The following RSPO3 variants were observed in gnomAD, a reference collection of about 807,000 sequenced individuals.
RSPO3 encodes the protein R-spondin-3.
RSPO3 carries 17 observed loss-of-function variants against 36.5 expected under a neutral mutation model. The ratio of observed to expected loss-of-function variants is 0.47; its 90% CI spans 0.32 to 0.70. The LOEUF (loss-of-function observed/expected upper bound fraction) is 0.70. Ranked by LOEUF, RSPO3 falls within the 30% of genes least tolerant of loss-of-function variation. The pLI is 0.04. For missense variants in RSPO3, 294 were observed against 322.5 expected (o/e 0.91, Z 0.68); for synonymous variants, 108 against 107.0 (o/e 1.01, Z -0.06).
At chr6:127,127,135 A>C (rs1049223734) in intron 1 of RSPO3, among the ~76,000 whole-genome samples, 10 of 152,194 alleles carry the variant, frequency 6.6e-5, no homozygotes, top group Admixed American at 5.9e-4. Flanking sequence ...CCATTTTATA[A>C]CCACATAATA....
rs909266523 is a variant in RSPO3, at chr6:127,198,229, T to C, written c.*2222T>C. On this transcript the variant is annotated 3_prime_UTR_variant, in exon 5 of 5. Transcript: ENST00000356698. ...TGACAATGGCAGAAGGTCTGAATCC[T>C]TGATGCTAAACTTATATAAAAGTAG... Among the ~76,000 whole-genome samples the C allele has an allele frequency of 1.3e-4, 20 of 152,204 alleles. No individual in the cohort carries two copies. Among genetic ancestry groups the C allele is most frequent in the African/African-American group, 4.8e-4 (20 of 41,468 alleles).
intron 1 of RSPO3, among the ~76,000 whole-genome samples, chr6:127,134,115 T>C (rs541503133): frequency 6.6e-6 from 1 of 152,176 alleles, no homozygotes; most frequent in Non-Finnish European, 1.5e-5. Flanking sequence ...AGACCACATA[T>C]GGGGATGAAG....
intron 1 of RSPO3, among the ~76,000 whole-genome samples, chr6:127,147,103 G>C (rs1292910402): frequency 6.6e-6 from 1 of 152,052 alleles, no homozygotes; most frequent in Admixed American, 6.6e-5. Flanking sequence ...CATTTCCTTA[G>C]TTTATTTACA....
At chr6:127,137,685 T>A (rs1408801601) in intron 1 of RSPO3, among the ~76,000 whole-genome samples, 1 of 152,206 alleles carries the variant, frequency 6.6e-6, no homozygotes, top group Admixed American at 6.5e-5. Context: ...CATAAAGCAT[T>A]TTGTTCATAA....
intron 4 of RSPO3, among the ~76,000 whole-genome samples, chr6:127,155,941 C>T (rs1297902719): frequency 6.6e-6 from 1 of 151,812 alleles, no homozygotes; most frequent in African/African-American, 2.4e-5. Flanking sequence ...ATCATTCTGT[C>T]ATCCAGGCTG....
At chr6:127,149,570 GA>G (rs1774450578) in intron 2 of RSPO3, among the ~76,000 whole-genome samples, 1 of 152,036 alleles carries the variant, frequency 6.6e-6, no homozygotes, top group Admixed American at 6.6e-5. Context: ...CCTTCTCAGA[GA>G]GACATTCCAT....
In RSPO3 at chr6:127,197,092, G is replaced by A. The variant is rs911433628; in HGVS notation, c.*1085G>A. 34 of 203,866 alleles carry A rather than the reference G, an allele frequency of 1.7e-4. No homozygotes were observed. Among genetic ancestry groups the A allele is most frequent in the African/African-American group, 7.8e-4 (34 of 43,316 alleles). 12.6% of individuals were successfully genotyped at this position (203,866 alleles called of 1,614,324 possible). On this transcript the variant is annotated 3_prime_UTR_variant, in exon 5 of 5. Coordinates refer to ENST00000356698, the MANE Select transcript of RSPO3 (RefSeq NM_032784.5). ...TTTTATTGAGAAATTCTTACTCTTA[G>A]AGACTCATGAATTAAGAAAGAGAAT...
In RSPO3 at chr6:127,197,657, C is replaced by T. The variant is rs1401761887; in HGVS notation, c.*1650C>T. The T allele has an allele frequency of 5.4e-6, 6 of 1,117,448 alleles. No homozygotes were observed. In the African/African-American group the frequency reaches 9.4e-5, roughly 17 times the overall value. 69.2% of individuals were successfully genotyped at this position (1,117,448 alleles called of 1,614,324 possible). On this transcript the variant is annotated 3_prime_UTR_variant, in exon 5 of 5. Coordinates refer to ENST00000356698, the MANE Select transcript of RSPO3 (RefSeq NM_032784.5). Reference sequence around the variant, plus strand: ...ATGACTCTGGCTTCTGGCTGCTTATCTCTGGACACCCGTTCTCCACCAGTT... The same window carrying T: ...ATGACTCTGGCTTCTGGCTGCTTATTTCTGGACACCCGTTCTCCACCAGTT...
intron 4 of RSPO3, among the ~76,000 whole-genome samples, chr6:127,177,826 T>C (rs1775086422): frequency 6.6e-6 from 1 of 151,768 alleles, no homozygotes; most frequent in Non-Finnish European, 1.5e-5. Context: ...TAAATGCTCT[T>C]CAGGGAAGGG....
At chr6:127,134,762 A>C (rs540134895) in intron 1 of RSPO3, among the ~76,000 whole-genome samples, 14 of 152,180 alleles carry the variant, frequency 9.2e-5, no homozygotes, top group Non-Finnish European at 1.6e-4. Flanking sequence ...ATCTCATGGA[A>C]CCTTCACAAC....
chr6:127,126,055 A>G (rs1252762659), intron 1 of RSPO3, among the ~76,000 whole-genome samples: 1 of 152,126 alleles, frequency 6.6e-6, no homozygotes, highest in Non-Finnish European at 1.5e-5. Flanking sequence ...AGGGAAAGAG[A>G]TGGAGGCCCA....
At chr6:127,157,558 T>C (rs1774618034) in intron 4 of RSPO3, among the ~76,000 whole-genome samples, 1 of 152,054 alleles carries the variant, frequency 6.6e-6, no homozygotes, top group African/African-American at 2.4e-5. Flanking sequence ...AGCTTAAAAG[T>C]GTCTTTCTGA....
chr6:127,148,053 C>G (rs1468388053), intron 1 of RSPO3, among the ~76,000 whole-genome samples: 2 of 152,098 alleles, frequency 1.3e-5, no homozygotes, highest in Non-Finnish European at 2.9e-5. Flanking sequence ...GCTTCAGCAT[C>G]AGTTTGCATT....
intron 1 of RSPO3, among the ~76,000 whole-genome samples, chr6:127,124,085 A>T (rs1211830675): frequency 6.6e-6 from 1 of 152,104 alleles, no homozygotes; most frequent in Non-Finnish European, 1.5e-5. Context: ...TTGGCAGAGT[A>T]CTATGTAGAG....
chr6:127,137,094 T>C (rs890859751), intron 1 of RSPO3, among the ~76,000 whole-genome samples: 3 of 152,302 alleles, frequency 2.0e-5, no homozygotes, highest in African/African-American at 7.2e-5. Context: ...GGATGTTTAT[T>C]AATAAATGTC....
chr6:127,122,959 A>G (rs1773873929), intron 1 of RSPO3, among the ~76,000 whole-genome samples: 1 of 152,160 alleles, frequency 6.6e-6, no homozygotes, highest in Non-Finnish European at 1.5e-5. Flanking sequence ...GACTCTAGAT[A>G]AATGCAAGTT....
chr6:127,153,026 A>G (rs1286769455), intron 3 of RSPO3, among the ~76,000 whole-genome samples: 2 of 152,154 alleles, frequency 1.3e-5, no homozygotes, highest in Admixed American at 1.3e-4. Context: ...AGGACATCCT[A>G]TTCAACTTTC....
chr6:127,143,696 A>G (rs1270593597), intron 1 of RSPO3, among the ~76,000 whole-genome samples: 3 of 152,198 alleles, frequency 2.0e-5, no homozygotes, highest in Non-Finnish European at 4.4e-5. Flanking sequence ...AGCATGCAAT[A>G]ATGGATTTTT....
chr6:127,166,849 A>G (rs922673358), intron 4 of RSPO3, among the ~76,000 whole-genome samples: 1 of 151,884 alleles, frequency 6.6e-6, no homozygotes, highest in Non-Finnish European at 1.5e-5. Context: ...GACAAATGGT[A>G]TTCTATTGTT....
Sources: gnomAD v4.1 joint callset for allele counts (sites outside exome capture counted in the v4.1 genomes callset) on GRCh38, gnomAD v4.1.1 for gene constraint, MANE v1.5 for transcripts, NCBI Gene and HGNC (gene_info 2026-07-23, HGNC 2026-07-21) for gene names.